The following DTNA variants were observed in gnomAD, a reference collection of about 807,000 sequenced individuals.
DTNA encodes dystrobrevin alpha.
Under a neutral mutation model 100.7 loss-of-function variants are expected in DTNA, and 43 were observed. The observed-to-expected ratio is 0.43, with a 90% CI of 0.33 to 0.55. The LOEUF is 0.55. DTNA is among the 20% of genes least tolerant of loss of function. The pLI, the probability that DTNA is intolerant of heterozygous loss-of-function variation, is 0.04. For synonymous variants in DTNA, 349 were observed against 347.9 expected (o/e 1.00, Z -0.04); for missense variants, 798 against 953.9 (o/e 0.84, Z 2.15).
At chr18:34,540,394 G>A (rs2044136677) in intron 1 of DTNA, among the ~76,000 whole-genome samples, 1 of 151,886 alleles carries the variant, frequency 6.6e-6, no homozygotes, top group Non-Finnish European at 1.5e-5. Flanking sequence ...CAATAACAAA[G>A]AAACATATCA....
Position 34,888,040 on chromosome 18 carries a change from A to G in DTNA, c.*306A>G, listed in dbSNP as rs1430169377. On this transcript the variant is annotated 3_prime_UTR_variant, in exon 23 of 23. Transcript: ENST00000444659. Reference sequence around the variant, plus strand: ...TCTGTTCAAAGTTAACTTATCAGCTACATCCTCTGTAACGTGGTTCATCCC... The same window carrying G: ...TCTGTTCAAAGTTAACTTATCAGCTGCATCCTCTGTAACGTGGTTCATCCC... 2 of 985,802 alleles carry G rather than the reference A, an allele frequency of 2.0e-6. No homozygotes were observed. The highest frequency in any genetic ancestry group is 1.7e-5 in the African/African-American group (1 of 57,250). 61.1% of individuals were successfully genotyped at this position (985,802 alleles called of 1,614,324 possible). A position where few individuals can be genotyped will look rare whatever the true frequency, so the allele number is the denominator to read the frequency against.
At chr18:34,686,522 C>T (rs2078922945) in intron 1 of DTNA, among the ~76,000 whole-genome samples, 2 of 152,144 alleles carry the variant, frequency 1.3e-5, no homozygotes, top group Non-Finnish European at 2.9e-5. Flanking sequence ...TTTTGATATG[C>T]TGCTGGATTC....
rs112626809 is a variant in DTNA at position 34,642,715 on chromosome 18, C to T, written c.-1-113261C>T. Among the ~76,000 whole-genome samples, 24 of 152,106 alleles carry T rather than the reference C, an allele frequency of 1.6e-4. 1 individual carries two copies. Among genetic ancestry groups the T allele is most frequent in the African/African-American group, 5.5e-4 (23 of 41,466 alleles). On this transcript the variant is annotated intron_variant, in intron 1 of 19. Transcript: ENST00000283365. Reference sequence around the variant, plus strand: ...CTGGGATTATGGTCACGCACCACCACGCCCAGCTAATTTTTGTATTTTTAG... The same window carrying T: ...CTGGGATTATGGTCACGCACCACCATGCCCAGCTAATTTTTGTATTTTTAG...
At chr18:34,715,656 GA>G (rs1386780969) in intron 1 of DTNA, among the ~76,000 whole-genome samples, 1 of 151,796 alleles carries the variant, frequency 6.6e-6, no homozygotes, top group African/African-American at 2.4e-5. Flanking sequence ...AGTAGTGAAA[GA>G]AAATATAGAA....
intron 1 of DTNA, among the ~76,000 whole-genome samples, chr18:34,690,817 G>C (rs542834713): frequency 6.6e-6 from 1 of 152,186 alleles, no homozygotes; most frequent in Non-Finnish European, 1.5e-5. Flanking sequence ...AAGGGCAAAG[G>C]CACAAAGCAA....
chr18:34,562,096 T>C (rs562231786), intron 1 of DTNA, among the ~76,000 whole-genome samples: 123 of 152,346 alleles, frequency 8.1e-4, no homozygotes, highest in African/African-American at 2.9e-3. Flanking sequence ...TAAAATAAGT[T>C]TGGAGCCATT....
At chr18:34,807,493 A>G (rs2095390463) in intron 5 of DTNA, among the ~76,000 whole-genome samples, 1 of 152,156 alleles carries the variant, frequency 6.6e-6, no homozygotes, top group South Asian at 2.1e-4. Context: ...TCTGAGTGAG[A>G]TCGCTTGCTT....
chr18:34,675,074 A>G (rs2077233981), intron 1 of DTNA, among the ~76,000 whole-genome samples: 1 of 152,158 alleles, frequency 6.6e-6, no homozygotes, highest in Admixed American at 6.6e-5. Context: ...TAATAGAATT[A>G]GGACTCAAAG....
intron 13 of DTNA, among the ~76,000 whole-genome samples, chr18:34,840,207 G>A (rs962206818): frequency 2.6e-5 from 4 of 152,096 alleles, no homozygotes; most frequent in African/African-American, 4.8e-5. Context: ...GGATAAAAAT[G>A]CACTCTTTGG....
rs1483472398 is a variant in DTNA, at chr18:34,888,822, T to C, written c.*1088T>C. The C allele has an allele frequency of 6.3e-5, 62 of 985,766 alleles. No individual in the cohort carries two copies. Among genetic ancestry groups the C allele is most frequent in the Non-Finnish European group, 7.1e-5 (59 of 829,946 alleles). 61.1% of individuals were successfully genotyped at this position (985,766 alleles called of 1,614,324 possible). A position where few individuals can be genotyped will look rare whatever the true frequency, so the allele number is the denominator to read the frequency against. Reference sequence around the variant, plus strand: ...TTGTTTGGAGGCCTTCAGCTTTAAATGTACAGGCTTAAAGTGCGCTTGCAA... The same window carrying C: ...TTGTTTGGAGGCCTTCAGCTTTAAACGTACAGGCTTAAAGTGCGCTTGCAA... On this transcript the variant is annotated 3_prime_UTR_variant, in exon 23 of 23. Coordinates refer to ENST00000444659, the MANE Select transcript of DTNA (RefSeq NM_001386795.1).
At chr18:34,716,786 A>G (rs2084168566) in intron 1 of DTNA, among the ~76,000 whole-genome samples, 1 of 152,174 alleles carries the variant, frequency 6.6e-6, no homozygotes, top group African/African-American at 2.4e-5. Flanking sequence ...AATGTTAAAG[A>G]GTAGAAAAGT....
At chr18:34,619,704 C>T (rs545795477) in intron 1 of DTNA, among the ~76,000 whole-genome samples, 2 of 152,170 alleles carry the variant, frequency 1.3e-5, no homozygotes, top group South Asian at 4.2e-4. Flanking sequence ...TGGCTTTGGA[C>T]ATTTTGAGTT....
rs552986227 is a variant in DTNA at position 34,551,073 on chromosome 18, C to T, written c.-2+57559C>T. On this transcript the variant is annotated intron_variant, in intron 1 of 19. Coordinates refer to the DTNA transcript ENST00000283365. ...ATGAAACATAAGGCCATCTGTTGAG[C>T]CTGAGCTTTTACTATTTTTGTCATC... 4.6e-5 allele frequency among the ~76,000 whole-genome samples: 7 copies of T among 152,260 alleles called. No homozygotes were observed. The East Asian group carries it at 1.2e-3, about 25-fold the overall frequency.
rs533694360 is a variant in DTNA at position 34,518,816 on chromosome 18, T to A, written c.-2+25302T>A. On this transcript the variant is annotated intron_variant, in intron 1 of 19. Transcript: ENST00000283365. Reference sequence around the variant, plus strand: ...TTAATAGAATGCAGCACCTGAAATATCTCCTGGTATAGTGGGGGAGGTACA... The same window carrying A: ...TTAATAGAATGCAGCACCTGAAATAACTCCTGGTATAGTGGGGGAGGTACA... Among the ~76,000 whole-genome samples, 5 of 151,752 alleles carry A rather than the reference T, an allele frequency of 3.3e-5. No homozygotes were observed. In the South Asian group the frequency reaches 1.0e-3, roughly 32 times the overall value.
chr18:34,848,510 T>C, intron 14 of DTNA, 127 bp downstream of exon 14: 1 of 1,050,766 alleles, frequency 9.5e-7, no homozygotes, highest in Non-Finnish European at 1.4e-6. Context: ...ATTGTGCATG[T>C]GTTTGTTGCT....
intron 1 of DTNA, among the ~76,000 whole-genome samples, chr18:34,559,838 C>G (rs1453773431): frequency 6.6e-6 from 1 of 152,146 alleles, no homozygotes; most frequent in Non-Finnish European, 1.5e-5. Context: ...ATTAATGTTG[C>G]ATCTCCTCTG....
chr18:34,651,545 T>TA (rs1386301087), intron 1 of DTNA, among the ~76,000 whole-genome samples: 2 of 152,216 alleles, frequency 1.3e-5, no homozygotes, highest in Non-Finnish European at 2.9e-5. Context: ...TTCATTCACT[T>TA]AACAAATTAA....
intron 1 of DTNA, among the ~76,000 whole-genome samples, chr18:34,553,295 G>T (rs915270273): frequency 2.7e-4 from 41 of 151,770 alleles, no homozygotes; most frequent in Non-Finnish European, 5.2e-4. Context: ...TGTCAGATGA[G>T]TAGGTTGCGA....
intron 1 of DTNA, among the ~76,000 whole-genome samples, chr18:34,612,904 C>A (rs1291319548): frequency 1.3e-5 from 2 of 152,156 alleles, no homozygotes; most frequent in African/African-American, 4.8e-5. Flanking sequence ...TCATGCTATA[C>A]CTTATTACTT....
Sources: gnomAD v4.1 joint callset for allele counts (sites outside exome capture counted in the v4.1 genomes callset) on GRCh38, gnomAD v4.1.1 for gene constraint, MANE v1.5 for transcripts, NCBI Gene and HGNC (gene_info 2026-07-23, HGNC 2026-07-21) for gene names.